FIGN: variants seen among roughly 807,000 people sequenced by gnomAD.
FIGN encodes fidgetin, microtubule severing factor, also known as fidgetin.
FIGN carries 11 observed loss-of-function variants against 51.3 expected under a neutral mutation model. That is an observed-to-expected ratio of 0.21 (90% CI 0.13 to 0.35). FIGN has a LOEUF of 0.35. FIGN is among the 10% of genes least tolerant of loss of function. The pLI, the probability that FIGN is intolerant of heterozygous loss-of-function variation, is 1.00. For synonymous variants in FIGN, 407 were observed against 363.2 expected (o/e 1.12, Z -1.37); for missense variants, 857 against 943.6 (o/e 0.91, Z 1.20).
At chr2:163,698,961 C>T (rs1456273285) in intron 2 of FIGN, among the ~76,000 whole-genome samples, 1 of 152,114 alleles carries the variant, frequency 6.6e-6, no homozygotes, top group Non-Finnish European at 1.5e-5. Flanking sequence ...TGGTTTTTGT[C>T]TCTCTAGGCA....
intron 2 of FIGN, among the ~76,000 whole-genome samples, chr2:163,657,898 T>C (rs1199293432): frequency 6.6e-6 from 1 of 152,144 alleles, no homozygotes; most frequent in African/African-American, 2.4e-5. Context: ...AAATTGTAGT[T>C]AGAGCTCACT....
chr2:163,635,180 C>G (rs964996893), intron 2 of FIGN, among the ~76,000 whole-genome samples: 21 of 152,110 alleles, frequency 1.4e-4, no homozygotes, highest in African/African-American at 4.8e-4. Context: ...AACAAGACAT[C>G]ATTAGAATAT....
intron 2 of FIGN, among the ~76,000 whole-genome samples, chr2:163,695,843 C>A (rs150713810): frequency 9.8e-5 from 15 of 152,332 alleles, no homozygotes; most frequent in African/African-American, 2.2e-4. Flanking sequence ...CACATTGGCT[C>A]ACGCCTGTAA....
At chr2:163,732,831 TGATA>T (rs1369659151) in intron 2 of FIGN, among the ~76,000 whole-genome samples, 3 of 152,230 alleles carry the variant, frequency 2.0e-5, no homozygotes, top group Non-Finnish European at 2.9e-5. Context: ...AGGCAGTCCC[TGATA>T]GATGTTTCTC....
chr2:163,638,141 A>T (rs945789706), intron 2 of FIGN, among the ~76,000 whole-genome samples: 1 of 152,018 alleles, frequency 6.6e-6, no homozygotes, highest in Non-Finnish European at 1.5e-5. Flanking sequence ...TCAATGGTGA[A>T]TATTGGTTCA....
At chr2:163,679,730 T>A (rs1002254557) in intron 2 of FIGN, among the ~76,000 whole-genome samples, 13 of 152,232 alleles carry the variant, frequency 8.5e-5, no homozygotes, top group Non-Finnish European at 1.8e-4. Context: ...TGATTTAAGA[T>A]ACTATTTTTC....
chr2:163,636,880 C>T (rs1245881071), intron 2 of FIGN, among the ~76,000 whole-genome samples: 1 of 152,068 alleles, frequency 6.6e-6, no homozygotes, highest in Non-Finnish European at 1.5e-5. Context: ...ACTTTCACTA[C>T]CAGCCTGGCC....
intron 2 of FIGN, among the ~76,000 whole-genome samples, chr2:163,722,915 G>T (rs2105364091): frequency 6.6e-6 from 1 of 152,022 alleles, no homozygotes; most frequent in Non-Finnish European, 1.5e-5. Flanking sequence ...GGCCGGGCAT[G>T]GTGGCTCACG....
Position 163,611,072 on chromosome 2 carries a change from G to A in FIGN, c.760C>T (p.Pro254Ser). ...SYSYPSASYP[P>S]QTAVGSGYSP... ...TACCCAGACCCCACAGCAGTCTGAG[G>A]AGGATAGCTAGCAGACGGATAGCTG... Residue 254 changes from proline to serine, a missense_variant, in exon 3 of 3, where the codon CCT (proline) becomes TCT (serine). This residue lies in a region of FIGN where 799 missense variants were observed against 849.5 expected (regional missense o/e 0.94). Transcript: ENST00000333129. 2 of 1,614,088 alleles carry A rather than the reference G, an allele frequency of 1.2e-6. No homozygotes were observed. The highest frequency in any genetic ancestry group is 1.7e-6 in the Non-Finnish European group (2 of 1,180,022).
chr2:163,645,683 A>T lies in FIGN; in HGVS notation c.26-33877T>A, dbSNP rs117381748. On this transcript the variant is annotated intron_variant, in intron 2 of 2. Coordinates refer to ENST00000333129, the MANE Select transcript of FIGN (RefSeq NM_018086.4). ...CAGGCAAGGGCTTAAAGAATGATCA[A>T]TTAAGTACCTTCCATAAAGGAGTAT... is the stretch of plus-strand genomic sequence containing the variant. Among the ~76,000 whole-genome samples, 107 of 152,308 alleles carry T rather than the reference A, an allele frequency of 7.0e-4. 1 individual carries two copies. In the East Asian group the frequency reaches 0.015, roughly 21 times the overall value.
At chr2:163,672,498 C>T (rs563673833) in intron 2 of FIGN, among the ~76,000 whole-genome samples, 1 of 152,292 alleles carries the variant, frequency 6.6e-6, no homozygotes. Context: ...TCCTCCAATG[C>T]TACTGAAGGG....
rs1037912225 is a variant in FIGN, at chr2:163,605,948, A to G, written c.*3604T>C. 6.6e-6 allele frequency: 1 copy of G among 150,806 alleles called. No individual in the cohort carries two copies. Among genetic ancestry groups the G allele is most frequent in the African/African-American group, 2.4e-5 (1 of 40,992 alleles). The allele number at this position is 150,806 out of a possible 1,614,324, so 9.3% of individuals were successfully genotyped here. A position where few individuals can be genotyped will look rare whatever the true frequency, so the allele number is the denominator to read the frequency against. On this transcript the variant is annotated 3_prime_UTR_variant, in exon 3 of 3. Transcript: ENST00000333129. ...TTTGAAAACTGCATAGCCAAGTACTATGCAACCCATGTAAATTGACCTTGC... is the reference window on the plus strand; with the variant it reads ...TTTGAAAACTGCATAGCCAAGTACTGTGCAACCCATGTAAATTGACCTTGC...
rs142894020 is a variant in FIGN, at chr2:163,638,942, A to C, written c.26-27136T>G. On this transcript the variant is annotated intron_variant, in intron 2 of 2. Coordinates refer to ENST00000333129, the MANE Select transcript of FIGN (RefSeq NM_018086.4). ...ACATCTAATTTAATTGTAAAGAGAA[A>C]AGTATATTAAACAGCATTAAACCCC... is the stretch of plus-strand genomic sequence containing the variant. Among the ~76,000 whole-genome samples, 111 of 152,276 alleles carry C rather than the reference A, an allele frequency of 7.3e-4. No homozygotes were observed. The East Asian group carries it at 0.02, about 28-fold the overall frequency.
intron 2 of FIGN, among the ~76,000 whole-genome samples, chr2:163,660,798 G>GTATACATATATATGT (rs1683650017): frequency 7.8e-5 from 1 of 12,806 alleles, no homozygotes; most frequent in African/African-American, 1.9e-4. Flanking sequence ...TATGTATATA[G>GTATACATATATATGT]ATATACATAT....
intron 2 of FIGN, among the ~76,000 whole-genome samples, chr2:163,654,191 G>A (rs2105323280): frequency 6.6e-6 from 1 of 151,952 alleles, no homozygotes; most frequent in Non-Finnish European, 1.5e-5. Context: ...TCCATTTCTA[G>A]AACTATCATG....
In FIGN at chr2:163,607,126, G is replaced by C. The variant is rs1312832748; in HGVS notation, c.*2426C>G. 1 of 152,164 alleles carries C rather than the reference G, an allele frequency of 6.6e-6. No homozygotes were observed. Among genetic ancestry groups the C allele is most frequent in the African/African-American group, 2.4e-5 (1 of 41,438 alleles). 9.4% of individuals were successfully genotyped at this position (152,164 alleles called of 1,614,324 possible). ...AGACGCTTTCAAGTGAACACAGCAT[G>C]TTGGCGGAAATGAAATATAATGTCT... On this transcript the variant is annotated 3_prime_UTR_variant, in exon 3 of 3. Transcript: ENST00000333129.
intron 2 of FIGN, among the ~76,000 whole-genome samples, chr2:163,635,354 A>G (rs1288712222): frequency 6.6e-6 from 1 of 152,150 alleles, no homozygotes; most frequent in Non-Finnish European, 1.5e-5. Flanking sequence ...GATCACTTGA[A>G]CCTACGAGCT....
intron 2 of FIGN, among the ~76,000 whole-genome samples, chr2:163,650,056 G>C (rs1283239314): frequency 1.3e-5 from 2 of 152,148 alleles, no homozygotes; most frequent in African/African-American, 4.8e-5. Context: ...GCAGAGGGCA[G>C]AAGGGAAGGA....
At chr2:163,694,610 A>G (rs575017195) in intron 2 of FIGN, among the ~76,000 whole-genome samples, 2 of 152,324 alleles carry the variant, frequency 1.3e-5, no homozygotes, top group South Asian at 4.1e-4. Flanking sequence ...TTACATATGA[A>G]GAAACTGAGG....
Sources: allele counts gnomAD v4.1 joint callset (sites outside exome capture counted in the v4.1 genomes callset), GRCh38; gene constraint gnomAD v4.1.1; regional missense constraint gnomAD v4.1.1; transcripts MANE v1.5; gene names NCBI Gene and HGNC (gene_info 2026-07-23, HGNC 2026-07-21).